LRGUK: variants seen among roughly 807,000 people sequenced by gnomAD.
LRGUK encodes the protein leucine-rich repeat and guanylate kinase domain-containing protein.
A neutral mutation model predicts 76.0 loss-of-function variants in LRGUK; 65 were observed. The observed-to-expected ratio is 0.85, with a 90% CI of 0.70 to 1.05. The LOEUF (loss-of-function observed/expected upper bound fraction) is 1.05, where lower values mean the gene tolerates loss of function less well. Ranked by LOEUF, LRGUK falls within the 50% of genes least tolerant of loss-of-function variation. LRGUK has a pLI of 0.00. For synonymous variants in LRGUK, 268 were observed against 265.6 expected (o/e 1.01, Z -0.09); for missense variants, 758 against 732.8 (o/e 1.03, Z -0.40).
chr7:134,221,612 G>A (rs574613135), intron 15 of LRGUK, among the ~76,000 whole-genome samples, 167 bp from the exon 16 acceptor site: 81 of 152,070 alleles, frequency 5.3e-4, no homozygotes, highest in African/African-American at 1.9e-3. Context: ...ATTATTATGA[G>A]TTATTTTATT....
At chr7:134,240,755 A>T (rs1033743430) in intron 16 of LRGUK, among the ~76,000 whole-genome samples, 2 of 152,230 alleles carry the variant, frequency 1.3e-5, no homozygotes, top group African/African-American at 4.8e-5. Context: ...TAATTGTCAG[A>T]TTCACCAAAT....
intron 1 of LRGUK, among the ~76,000 whole-genome samples, chr7:134,134,723 C>T (rs1321829910): frequency 6.6e-6 from 1 of 152,162 alleles, no homozygotes; most frequent in African/African-American, 2.4e-5. Context: ...AACATTCCTT[C>T]CCAGGCCTTG....
chr7:134,221,481 A>C (rs2117153711), intron 15 of LRGUK, among the ~76,000 whole-genome samples: 1 of 152,244 alleles, frequency 6.6e-6, no homozygotes, highest in East Asian at 1.9e-4. Flanking sequence ...TTTCAATTAA[A>C]TATCTAGAAG....
intron 4 of LRGUK, among the ~76,000 whole-genome samples, chr7:134,145,876 G>C (rs969092671): frequency 6.6e-6 from 1 of 152,188 alleles, no homozygotes; most frequent in African/African-American, 2.4e-5. Flanking sequence ...GAATGCTTTT[G>C]CTCTTACTAG....
chr7:134,179,712 G>T (rs1024686895), intron 10 of LRGUK, among the ~76,000 whole-genome samples: 3 of 152,190 alleles, frequency 2.0e-5, no homozygotes, highest in African/African-American at 4.8e-5. Flanking sequence ...AGCAGTGTTT[G>T]ATAAACACAT....
In LRGUK at chr7:134,159,564, G is replaced by C. The variant is rs113618038; in HGVS notation, c.795+1405G>C. ...CCAGCACTTTGGGAGGCTAAGGCGG[G>C]TGGATCATGAGGTCAGGAGTTCAAG... On this transcript the variant is annotated intron_variant, in intron 6 of 15. Coordinates refer to ENST00000645682, the Ensembl canonical transcript of LRGUK. Among the ~76,000 whole-genome samples the C allele has an allele frequency of 7.9e-3, 1,197 of 152,286 alleles. 23 individuals carry two copies. The highest frequency in any genetic ancestry group is 0.028 in the African/African-American group (1,162 of 41,560).
intron 19 of LRGUK, among the ~76,000 whole-genome samples, chr7:134,262,715 C>T (rs1585612915): frequency 6.6e-6 from 1 of 152,172 alleles, no homozygotes; most frequent in South Asian, 2.1e-4. Context: ...TGCCTGTAAT[C>T]CCAGCACTTT....
At chr7:134,130,547 G>A (rs1000059334) in intron 1 of LRGUK, among the ~76,000 whole-genome samples, 3 of 152,026 alleles carry the variant, frequency 2.0e-5, no homozygotes, top group African/African-American at 7.3e-5. Flanking sequence ...TGGCTTTTTA[G>A]TATTGCACAC....
At chr7:134,236,782 T>C (rs569807410) in intron 16 of LRGUK, among the ~76,000 whole-genome samples, 5 of 152,336 alleles carry the variant, frequency 3.3e-5, no homozygotes, top group Admixed American at 2.6e-4. Context: ...TACTGTGTCC[T>C]TTCAGTGGCT....
Position 134,247,647 on chromosome 7 carries a change from A to G in LRGUK, c.2072+3A>G, listed in dbSNP as rs183583067. On this transcript the variant is annotated splice_donor_region_variant and intron_variant, in intron 17 of 19. Coordinates refer to the LRGUK transcript ENST00000285928. ...GATCACACACTCCTATTTCAAAGGTAGCAATTTATCACATGAGCAACTTTA... is the reference window on the plus strand; with the variant it reads ...GATCACACACTCCTATTTCAAAGGTGGCAATTTATCACATGAGCAACTTTA... The G allele has an allele frequency of 1.2e-6, 2 of 1,608,864 alleles. No homozygotes were observed. The highest frequency in any genetic ancestry group is 2.2e-5 in the East Asian group (1 of 44,824).
At chr7:134,234,192 T>C (rs979989318) in intron 16 of LRGUK, among the ~76,000 whole-genome samples, 32 of 152,272 alleles carry the variant, frequency 2.1e-4, no homozygotes, top group African/African-American at 7.5e-4. Context: ...TCTTCTGCTC[T>C]TCATGAGGCC....
rs775736864 is a variant in LRGUK at position 134,258,424 on chromosome 7, G to C, written c.2347+19G>C. ...CGGAAAGGTATGAGTTAGGCCAAGC[G>C]CGGTGGCTCATGCCTGTAATCCCAG... On this transcript the variant is annotated intron_variant, in intron 19 of 19. Transcript: ENST00000285928. The C allele has an allele frequency of 1.2e-6, 2 of 1,610,474 alleles. No individual in the cohort carries two copies. Among genetic ancestry groups the C allele is most frequent in the African/African-American group, 2.7e-5 (2 of 74,824 alleles).
chr7:134,209,195 G>A (rs904167076), exon 16 of LRGUK: 89 of 399,068 alleles, frequency 2.2e-4, no homozygotes, highest in Non-Finnish European at 1.8e-5. Context: ...GGAGTCAGGG[G>A]AGGCCCAGGT....
At chr7:134,208,329 T>A (rs189669850) in intron 15 of LRGUK, among the ~76,000 whole-genome samples, 2 of 152,314 alleles carry the variant, frequency 1.3e-5, no homozygotes, top group Admixed American at 1.3e-4. Context: ...CATCCTCTAG[T>A]TTCTACCATC....
the LRGUK span, among the ~76,000 whole-genome samples, chr7:134,272,299 C>T: frequency 6.6e-6 from 1 of 152,132 alleles, no homozygotes; most frequent in Admixed American, 6.5e-5. Context: ...TTGTATTATT[C>T]AAACCATTTA....
intron 11 of LRGUK, among the ~76,000 whole-genome samples, chr7:134,189,723 C>T (rs1800122184): frequency 1.3e-5 from 2 of 152,214 alleles, no homozygotes; most frequent in Admixed American, 1.3e-4. Context: ...TCTTCCCTGA[C>T]TGTCAAGGAC....
chr7:134,267,820 A>G (rs1357636713), downstream of LRGUK, among the ~76,000 whole-genome samples: 2 of 152,102 alleles, frequency 1.3e-5, no homozygotes, highest in African/African-American at 4.8e-5. Flanking sequence ...CTTATTGGGT[A>G]CCATGTTCAC....
intron 16 of LRGUK, among the ~76,000 whole-genome samples, chr7:134,225,726 C>G (rs2117163437): frequency 6.6e-6 from 1 of 152,260 alleles, no homozygotes; most frequent in South Asian, 2.1e-4. Context: ...GAATTCAGTG[C>G]TCTTGGAATT....
At chr7:134,214,403 C>T (rs192735618), downstream of LRGUK, among the ~76,000 whole-genome samples, 240 of 152,096 alleles carry the variant, frequency 1.6e-3, no homozygotes, top group African/African-American at 4.8e-3. Flanking sequence ...TCTAGTAATT[C>T]GAATCTGAGG....
Sources: gnomAD v4.1 joint callset for allele counts (sites outside exome capture counted in the v4.1 genomes callset) on GRCh38, gnomAD v4.1.1 for gene constraint, MANE v1.5 for transcripts, NCBI Gene and HGNC (gene_info 2026-07-23, HGNC 2026-07-21) for gene names.